ERBB4: variants seen among roughly 807,000 people sequenced by gnomAD.
The protein encoded by ERBB4 is erb-b2 receptor tyrosine kinase 4.
In ERBB4, 42 loss-of-function variants were observed where a neutral mutation model predicts 158.0. That is an observed-to-expected ratio of 0.27 (90% CI 0.21 to 0.34). ERBB4 has a LOEUF of 0.34. Among genes scored for constraint, ERBB4 ranks in the 10% least tolerant of loss-of-function variants. The pLI is 1.00. For synonymous variants in ERBB4, 583 were observed against 558.7 expected (o/e 1.04, Z -0.61); for missense variants, 1,333 against 1,624.1 (o/e 0.82, Z 3.08).
intron 1 of ERBB4, among the ~76,000 whole-genome samples, chr2:212,528,009 A>G (rs1350720364): frequency 6.6e-6 from 1 of 151,848 alleles, no homozygotes; most frequent in East Asian, 1.9e-4. Flanking sequence ...CAAATCTTGC[A>G]TACGCCCCTG....
chr2:212,224,083 CTT>C (rs1194667745), intron 1 of ERBB4, among the ~76,000 whole-genome samples: 3 of 151,748 alleles, frequency 2.0e-5, no homozygotes, highest in Non-Finnish European at 4.4e-5. Flanking sequence ...GGATCAAAAA[CTT>C]TAAATGATAT....
intron 1 of ERBB4, among the ~76,000 whole-genome samples, chr2:212,331,542 T>G (rs2088172931): frequency 6.6e-6 from 1 of 151,998 alleles, no homozygotes. Context: ...GAAAAAAGCA[T>G]TTTTAAAGGA....
chr2:212,408,206 C>T (rs2091402997), intron 1 of ERBB4, among the ~76,000 whole-genome samples: 2 of 151,988 alleles, frequency 1.3e-5, no homozygotes, highest in South Asian at 4.1e-4. Context: ...TTAAGCCCAG[C>T]ATGCATTAGC....
intron 4 of ERBB4, among the ~76,000 whole-genome samples, chr2:211,781,042 CT>C (rs778617841): frequency 2.0e-5 from 3 of 152,118 alleles, no homozygotes; most frequent in Non-Finnish European, 1.5e-5. Flanking sequence ...GGTAAATTTT[CT>C]TGCTACTTTT....
intron 3 of ERBB4, among the ~76,000 whole-genome samples, chr2:211,920,879 T>C (rs2079840845): frequency 6.6e-6 from 1 of 151,968 alleles, no homozygotes; most frequent in Non-Finnish European, 1.5e-5. Context: ...CAACAGAGTG[T>C]GTTAAAGTAC....
intron 2 of ERBB4, among the ~76,000 whole-genome samples, chr2:211,953,782 TTGA>T (rs1275703426): frequency 1.3e-5 from 2 of 152,138 alleles, no homozygotes; most frequent in Non-Finnish European, 2.9e-5. Context: ...CTTATGACAT[TTGA>T]TGATAGAAAT....
intron 1 of ERBB4, among the ~76,000 whole-genome samples, chr2:212,526,496 T>A (rs6435709): frequency 0.17 from 25,697 of 151,982 alleles, 2,283 homozygotes; most frequent in African/African-American, 0.23. Flanking sequence ...TTTCCATTAA[T>A]TCCGAATACG....
chr2:212,111,485 T>G (rs1299487844), intron 2 of ERBB4, among the ~76,000 whole-genome samples: 1 of 152,182 alleles, frequency 6.6e-6, no homozygotes, highest in Non-Finnish European at 1.5e-5. Context: ...ATTTCACAAT[T>G]TTGTTGCATC....
intron 3 of ERBB4, among the ~76,000 whole-genome samples, chr2:211,898,573 G>A (rs2079156109): frequency 1.3e-5 from 2 of 152,148 alleles, no homozygotes; most frequent in Admixed American, 1.3e-4. Flanking sequence ...AAAGTGAAAT[G>A]ACTGTAGAAA....
chr2:211,750,641 G>C lies in ERBB4; in HGVS notation c.620C>G (p.Thr207Ser). 1 of 1,613,480 alleles carries C rather than the reference G, an allele frequency of 6.2e-7. No homozygotes were observed. The highest frequency in any genetic ancestry group is 1.1e-5 in the South Asian group (1 of 91,058). ...CWGPTENHCQ[T>S]LTRTVCAEQC... ...TGCTCTCACTGATGAACACTTACAA[G>C]TCTGGCAATGATTTTCTGTGGGTCC... is the stretch of plus-strand genomic sequence containing the variant. Residue 207 changes from threonine to serine, a missense_variant and splice_region_variant, in exon 5 of 28, where the codon ACT (threonine) becomes AGT (serine). Around this residue, in one of 5 missense-constraint regions of ERBB4, gnomAD observed 438 missense variants for 586.9 expected, o/e 0.75. Coordinates refer to ENST00000342788, the MANE Select transcript of ERBB4 (RefSeq NM_005235.3).
At chr2:211,876,233 G>T (rs1189268601) in intron 3 of ERBB4, among the ~76,000 whole-genome samples, 4 of 152,128 alleles carry the variant, frequency 2.6e-5, no homozygotes, top group Non-Finnish European at 5.9e-5. Context: ...CAATTTTGCT[G>T]ATTCTGAGTG....
intron 2 of ERBB4, among the ~76,000 whole-genome samples, chr2:211,975,888 C>T (rs1042613925): frequency 6.6e-6 from 1 of 152,124 alleles, no homozygotes; most frequent in African/African-American, 2.4e-5. Context: ...GAAGAAGCAA[C>T]TGGTCAATTA....
chr2:212,408,911 A>G (rs1269824850), intron 1 of ERBB4, among the ~76,000 whole-genome samples: 2 of 152,224 alleles, frequency 1.3e-5, no homozygotes, highest in Non-Finnish European at 2.9e-5. Flanking sequence ...GATCAGCAGC[A>G]GCAATGCCAG....
intron 1 of ERBB4, among the ~76,000 whole-genome samples, chr2:212,442,722 T>C (rs1357737412): frequency 3.9e-5 from 6 of 152,132 alleles, no homozygotes; most frequent in Admixed American, 6.6e-5. Flanking sequence ...ACCCCCACAC[T>C]GACTCCCTGA....
At chr2:211,894,614 C>G (rs1450335965) in intron 3 of ERBB4, among the ~76,000 whole-genome samples, 1 of 152,122 alleles carries the variant, frequency 6.6e-6, no homozygotes, top group African/African-American at 2.4e-5. Context: ...AATGAGCTGT[C>G]ATGCACAGTT....
At chr2:212,261,485 C>T (rs896099703) in intron 1 of ERBB4, among the ~76,000 whole-genome samples, 2 of 152,076 alleles carry the variant, frequency 1.3e-5, no homozygotes, top group Admixed American at 6.6e-5. Context: ...AAGAAGATAA[C>T]GTCCTGGACA....
intron 1 of ERBB4, among the ~76,000 whole-genome samples, chr2:212,230,399 A>G (rs183081610): frequency 1.9e-3 from 283 of 152,338 alleles, no homozygotes; most frequent in Non-Finnish European, 2.9e-3. Flanking sequence ...TTGATTTCCA[A>G]TGGATTTTGT....
At chr2:212,417,518 A>G (rs1423272613) in intron 1 of ERBB4, among the ~76,000 whole-genome samples, 1 of 151,988 alleles carries the variant, frequency 6.6e-6, no homozygotes. Context: ...CAAACCACTA[A>G]AATTGTCTAC....
chr2:212,241,874 A>ATAT (rs10674654), intron 1 of ERBB4, among the ~76,000 whole-genome samples: 151,984 of 152,150 alleles, frequency 1, 75,909 homozygotes, highest in Middle Eastern at 1. Context: ...TTGATTCAAC[A>ATAT]TATTAATAAC....
Sources: gnomAD v4.1 joint callset for allele counts (sites outside exome capture counted in the v4.1 genomes callset) on GRCh38, gnomAD v4.1.1 for gene constraint, gnomAD v4.1.1 regional missense constraint, MANE v1.5 for transcripts, NCBI Gene and HGNC (gene_info 2026-07-23, HGNC 2026-07-21) for gene names.